MSN: variants seen among roughly 807,000 people sequenced by gnomAD.
MSN encodes the protein epididymis luminal protein 70.
MSN carries 2 observed loss-of-function variants against 48.0 expected under a neutral mutation model. That is an observed-to-expected ratio of 0.04 (90% CI 0.02 to 0.13). MSN has a LOEUF of 0.13. MSN is among the 10% of genes least tolerant of loss of function. MSN has a pLI of 1.00. For missense variants in MSN, 267 were observed against 470.1 expected, an observed-to-expected ratio of 0.57 and a Z score of 3.99; for synonymous variants, 146 against 166.9, an observed-to-expected ratio of 0.87 and a Z score of 0.97.
chrX:65,713,977 G>A (rs765190330), intron 1 of MSN, among the ~76,000 whole-genome samples: 64 of 111,436 alleles, frequency 5.7e-4, no homozygotes, highest in Non-Finnish European at 1.0e-3. Flanking sequence ...ATGGGGTTTC[G>A]CTATATTGTC....
chrX:65,649,137 A>G (rs914864447), intron 1 of MSN, among the ~76,000 whole-genome samples: 1 of 108,331 alleles, frequency 9.2e-6, no homozygotes, highest in African/African-American at 3.3e-5. Flanking sequence ...CAGCAGGGAG[A>G]AGAAGGTAGA....
chrX:65,656,881 A>T (rs188170162), intron 1 of MSN, among the ~76,000 whole-genome samples: 1,243 of 111,070 alleles, frequency 0.011, 13 homozygotes, highest in Non-Finnish European at 0.019. Context: ...GGAGGAAGAG[A>T]GGGCTGGGAA....
Position 65,731,312 on chromosome X carries a change from A to G in MSN, c.551+122A>G, listed in dbSNP as rs1266913070. On this transcript the variant is annotated intron_variant, in intron 5 of 12. Transcript: ENST00000360270. ...GATGTTGGAGAAAGAGGGAACAGGGACGATAGAAGGCAAACTAGGACCATT... is the reference window on the plus strand; with the variant it reads ...GATGTTGGAGAAAGAGGGAACAGGGGCGATAGAAGGCAAACTAGGACCATT... The G allele has an allele frequency of 5.1e-6, 3 of 591,496 alleles. No individual in the cohort carries two copies. In the East Asian group the frequency reaches 1.1e-4, roughly 22 times the overall value. 48.7% of individuals were successfully genotyped at this position (591,496 alleles called of 1,213,427 possible).
intron 1 of MSN, among the ~76,000 whole-genome samples, chrX:65,691,084 G>C (rs760582557): frequency 9.0e-6 from 1 of 111,138 alleles, no homozygotes; most frequent in Non-Finnish European, 1.9e-5. Flanking sequence ...ACTTTTCTTA[G>C]GAGAGAAAGG....
At chrX:65,599,503 T>C (rs2070215354) in intron 1 of MSN, among the ~76,000 whole-genome samples, 1 of 110,708 alleles carries the variant, frequency 9.0e-6, no homozygotes, top group Non-Finnish European at 1.9e-5. Context: ...CGTAGTGGCA[T>C]GTGCCTGTAG....
At chrX:65,683,820 G>A (rs1376771225) in intron 1 of MSN, among the ~76,000 whole-genome samples, 1 of 111,345 alleles carries the variant, frequency 9.0e-6, no homozygotes, top group African/African-American at 3.3e-5. Context: ...TGTAAGAAAT[G>A]AAACAGCATT....
chrX:65,672,693 A>G (rs1011686875), intron 1 of MSN, among the ~76,000 whole-genome samples: 3 of 111,419 alleles, frequency 2.7e-5, no homozygotes, highest in African/African-American at 9.8e-5. Context: ...GAGCCAAATG[A>G]AGTGGGACTT....
Position 65,739,960 on chromosome X carries a change from A to C in MSN, c.*67A>C. On this transcript the variant is annotated 3_prime_UTR_variant, in exon 13 of 13. Transcript: ENST00000360270. The stretch of plus-strand genomic sequence containing the variant: ...GTCCCCACACTCCTACACCTAACTC[A>C]CCTAACTCATACTGTGCTGGAGCCA... 20 of 1,097,517 alleles carry C rather than the reference A, an allele frequency of 1.8e-5. No homozygotes were observed. The highest frequency in any genetic ancestry group is 2.3e-5 in the Non-Finnish European group (19 of 811,762). 90.4% of individuals were successfully genotyped at this position (1,097,517 alleles called of 1,213,427 possible).
At chrX:65,645,714 G>A (rs970882385) in intron 1 of MSN, among the ~76,000 whole-genome samples, 2 of 111,387 alleles carry the variant, frequency 1.8e-5, no homozygotes, top group African/African-American at 6.5e-5. Flanking sequence ...GAGCAGGGAT[G>A]AAGGAGGAAA....
chrX:65,613,149 G>T (rs1487161833), intron 1 of MSN, among the ~76,000 whole-genome samples: 2 of 111,802 alleles, frequency 1.8e-5, no homozygotes, highest in African/African-American at 6.5e-5. Context: ...TCCTGTGTTA[G>T]TTTGCTGAGA....
intron 1 of MSN, among the ~76,000 whole-genome samples, chrX:65,590,528 T>C (rs2070138259): frequency 1.8e-5 from 2 of 111,211 alleles, no homozygotes; most frequent in Admixed American, 1.9e-4. Context: ...AATGCCACAA[T>C]GGCTACACAC....
chrX:65,740,052 T>C lies in MSN; in HGVS notation c.*159T>C. ...AGCCATGGGACCAAACCTAGCCCCT[T>C]AGCCCCCACCCACTTCCCTGGGCAA... On this transcript the variant is annotated 3_prime_UTR_variant, in exon 13 of 13. Coordinates refer to ENST00000360270, the MANE Select transcript of MSN (RefSeq NM_002444.3). 1 of 496,069 alleles carries C rather than the reference T, an allele frequency of 2.0e-6. No individual in the cohort carries two copies. Among genetic ancestry groups the C allele is most frequent in the East Asian group, 3.9e-5 (1 of 25,905 alleles). 40.9% of individuals were successfully genotyped at this position (496,069 alleles called of 1,213,427 possible).
chrX:65,672,387 CAG>C (rs1359517059), intron 1 of MSN, among the ~76,000 whole-genome samples: 5 of 112,279 alleles, frequency 4.5e-5, no homozygotes, highest in Non-Finnish European at 7.5e-5. Context: ...AAGGAAAAAA[CAG>C]GGTACAGATG....
chrX:65,687,263 G>A (rs1392910857), intron 1 of MSN, among the ~76,000 whole-genome samples: 8 of 111,499 alleles, frequency 7.2e-5, no homozygotes, highest in Admixed American at 2.9e-4. Context: ...CAGGAGAATC[G>A]CTTGAATCTG....
At chrX:65,652,512 G>T (rs181418138) in intron 1 of MSN, among the ~76,000 whole-genome samples, 3 of 111,575 alleles carry the variant, frequency 2.7e-5, no homozygotes, top group East Asian at 2.8e-4. Flanking sequence ...CTGGGTCTCA[G>T]ATCTGGCCCT....
chrX:65,650,379 C>T, intron 1 of MSN, among the ~76,000 whole-genome samples: 1 of 112,384 alleles, frequency 8.9e-6, no homozygotes, highest in Non-Finnish European at 1.9e-5. Flanking sequence ...TGAGCCACTG[C>T]ACCCAGCCAT....
intron 1 of MSN, among the ~76,000 whole-genome samples, chrX:65,597,788 G>A (rs986039794): frequency 1.5e-4 from 17 of 112,138 alleles, no homozygotes; most frequent in African/African-American, 5.5e-4. Context: ...CTATGCATGG[G>A]CTTCAGTTTT....
rs879112529 is a variant in MSN at position 65,732,053 on chromosome X, G to A, written c.698+69G>A. The A allele has an allele frequency of 2.0e-5, 22 of 1,088,354 alleles. No homozygotes were observed. The South Asian group carries it at 3.4e-4, about 17-fold the overall frequency. 89.7% of individuals were successfully genotyped at this position (1,088,354 alleles called of 1,213,427 possible). On this transcript the variant is annotated intron_variant, in intron 6 of 12. Coordinates refer to ENST00000360270, the MANE Select transcript of MSN (RefSeq NM_002444.3). ...TCTAGGGCTCACTTTTCACCAAGGA[G>A]CAGGGCCATATCTCTTGGGTCCCAT...
exon 1 of MSN, chrX:65,588,552 C>A: frequency 3.7e-6 from 3 of 807,197 alleles, no homozygotes; most frequent in South Asian, 1.3e-4. Flanking sequence ...TCCAGCCCCG[C>A]CGCTCAACCA....
Sources: gnomAD v4.1 joint callset for allele counts (sites outside exome capture counted in the v4.1 genomes callset) on GRCh38, gnomAD v4.1.1 for gene constraint, MANE v1.5 for transcripts, NCBI Gene and HGNC (gene_info 2026-07-23, HGNC 2026-07-21) for gene names.